NNMT: variants seen among roughly 807,000 people sequenced by gnomAD.
NNMT encodes nicotinamide N-methyltransferase.
Under a neutral mutation model 11.7 loss-of-function variants are expected in NNMT, and 10 were observed. That is an observed-to-expected ratio of 0.85 (90% CI 0.53 to 1.45). The LOEUF is 1.45. Ranked by LOEUF, NNMT falls within the 40% of genes most tolerant of loss-of-function variation. NNMT has a pLI of 0.00. For missense variants in NNMT, 381 were observed against 319.4 expected, an observed-to-expected ratio of 1.19 and a Z score of -1.47; for synonymous variants, 143 against 133.8, an observed-to-expected ratio of 1.07 and a Z score of -0.48.
At chr11:114,268,012 G>A (rs1945134888) in intron 2 of NNMT, among the ~76,000 whole-genome samples, 1 of 152,202 alleles carries the variant, frequency 6.6e-6, no homozygotes, top group African/African-American at 2.4e-5. Flanking sequence ...CTGTTAACTT[G>A]TTGTAGAAAG....
chr11:114,284,917 A>C (rs891760507), intron 2 of NNMT, among the ~76,000 whole-genome samples: 2 of 151,726 alleles, frequency 1.3e-5, no homozygotes, highest in Admixed American at 6.6e-5. Context: ...TTACAGGTGC[A>C]TACCACCATG....
intron 2 of NNMT, among the ~76,000 whole-genome samples, chr11:114,268,035 T>C (rs1945135319): frequency 6.6e-6 from 1 of 152,250 alleles, no homozygotes; most frequent in South Asian, 2.1e-4. Flanking sequence ...GTGATTATTA[T>C]TATCTATTCA....
At chr11:114,286,345 C>T (rs1048160260) in intron 2 of NNMT, among the ~76,000 whole-genome samples, 1 of 152,124 alleles carries the variant, frequency 6.6e-6, no homozygotes, top group African/African-American at 2.4e-5. Context: ...TGCATGAGCA[C>T]TGGTTAGCAT....
intron 2 of NNMT, among the ~76,000 whole-genome samples, chr11:114,305,186 C>T (rs1945477851): frequency 6.6e-6 from 1 of 152,224 alleles, no homozygotes; most frequent in Non-Finnish European, 1.5e-5. Context: ...GCACTGGTGT[C>T]TGGAGCAGGG....
chr11:114,299,799 T>C (rs1945420228), intron 2 of NNMT, among the ~76,000 whole-genome samples: 1 of 152,066 alleles, frequency 6.6e-6, no homozygotes, highest in African/African-American at 2.4e-5. Context: ...TTGGCATTTT[T>C]TTTTTTTTAC....
chr11:114,290,359 T>C (rs1945326685), intron 2 of NNMT, among the ~76,000 whole-genome samples: 1 of 152,232 alleles, frequency 6.6e-6, no homozygotes. Flanking sequence ...TTATCTTCTT[T>C]CGAATTGATA....
rs139308303 is a variant in NNMT, at chr11:114,297,953, G to T, written c.157G>T (p.Gly53Cys). 60 of 1,612,324 alleles carry T rather than the reference G, an allele frequency of 3.7e-5. No individual in the cohort carries two copies. Among genetic ancestry groups the T allele is most frequent in the Non-Finnish European group, 4.7e-5 (56 of 1,179,948 alleles). ...KNLFKIFCLDGVKGDLLIDIG... is the reference protein window; with the variant it reads ...KNLFKIFCLDCVKGDLLIDIG... The stretch of plus-strand genomic sequence containing the variant: ...CTTTGTTCCTCCCACTAATCCAGAC[G>T]GTGTGAAGGGAGACCTGCTGATTGA... Residue 53 changes from glycine to cysteine, a missense_variant and splice_region_variant, in exon 2 of 3, where the codon GGT (glycine) becomes TGT (cysteine). Coordinates refer to ENST00000299964, the MANE Select transcript of NNMT (RefSeq NM_006169.3).
intron 2 of NNMT, among the ~76,000 whole-genome samples, chr11:114,304,739 G>C (rs1945473243): frequency 6.6e-6 from 1 of 152,306 alleles, no homozygotes; most frequent in South Asian, 2.1e-4. Flanking sequence ...CTACTGGGGA[G>C]GCTGAGGAGA....
chr11:114,298,210 T>C, intron 2 of NNMT, 52 bp downstream of exon 2: 2 of 1,524,338 alleles, frequency 1.3e-6, no homozygotes, highest in Non-Finnish European at 1.8e-6. Flanking sequence ...TGAGTGATGG[T>C]TGGCAAAAGC....
upstream of NNMT, among the ~76,000 whole-genome samples, chr11:114,293,919 T>G (rs1164124974): frequency 6.6e-6 from 1 of 152,122 alleles, no homozygotes; most frequent in Non-Finnish European, 1.5e-5. Flanking sequence ...ATAAAGACAA[T>G]GTGGTAATAC....
At chr11:114,258,284 G>A (rs1945046945) in intron 1 of NNMT, among the ~76,000 whole-genome samples, 1 of 152,218 alleles carries the variant, frequency 6.6e-6, no homozygotes, top group Admixed American at 6.5e-5. Context: ...TCCTGGCTGG[G>A]TTCAAGGAGG....
At chr11:114,267,125 C>T (rs1373719482) in intron 2 of NNMT, among the ~76,000 whole-genome samples, 2 of 152,142 alleles carry the variant, frequency 1.3e-5, no homozygotes, top group South Asian at 2.1e-4. Flanking sequence ...ATTAGCTGGG[C>T]GTGGTGGTGC....
chr11:114,271,723 AG>A (rs1945171658), intron 2 of NNMT, among the ~76,000 whole-genome samples: 1 of 152,236 alleles, frequency 6.6e-6, no homozygotes, highest in Non-Finnish European at 1.5e-5. Flanking sequence ...GACAGAAACC[AG>A]GGTGTTGTGT....
chr11:114,283,078 G>A (rs1449084343), intron 2 of NNMT, among the ~76,000 whole-genome samples: 3 of 152,196 alleles, frequency 2.0e-5, no homozygotes, highest in Non-Finnish European at 4.4e-5. Context: ...TGATGGGGGT[G>A]TAGACTGGTA....
At chr11:114,284,975 C>T (rs376994713) in intron 2 of NNMT, among the ~76,000 whole-genome samples, 4 of 151,730 alleles carry the variant, frequency 2.6e-5, no homozygotes, top group South Asian at 4.2e-4. Context: ...ATCATGTTGG[C>T]GAGGCTGGTC....
chr11:114,279,343 A>G (rs1244970148), intron 2 of NNMT, among the ~76,000 whole-genome samples: 1 of 152,190 alleles, frequency 6.6e-6, no homozygotes, highest in Non-Finnish European at 1.5e-5. Flanking sequence ...CAAGGGGATG[A>G]TGGGAAGCAC....
chr11:114,264,065 T>G (rs544321), intron 2 of NNMT, among the ~76,000 whole-genome samples: 47,050 of 151,750 alleles, frequency 0.31, 7,958 homozygotes, highest in African/African-American at 0.45. Context: ...AAAAGTCAGC[T>G]CCTCCTCTTG....
intron 2 of NNMT, among the ~76,000 whole-genome samples, chr11:114,303,625 A>T (rs1165878011): frequency 6.6e-6 from 1 of 152,218 alleles, no homozygotes; most frequent in Non-Finnish European, 1.5e-5. Context: ...ATATATGAGA[A>T]TGTATTTTGT....
intron 2 of NNMT, among the ~76,000 whole-genome samples, chr11:114,290,394 G>T (rs1945326987): frequency 6.6e-6 from 1 of 151,944 alleles, no homozygotes; most frequent in African/African-American, 2.4e-5. Flanking sequence ...TAGTTCTTCT[G>T]CTCTACTAAT....
Sources: allele counts gnomAD v4.1 joint callset (sites outside exome capture counted in the v4.1 genomes callset), GRCh38; gene constraint gnomAD v4.1.1; transcripts MANE v1.5; gene names NCBI Gene and HGNC (gene_info 2026-07-23, HGNC 2026-07-21).